Variants in DIXDC1 observed in about 807,000 individuals in gnomAD.
DIXDC1 encodes the protein DIX domain containing 1.
DIXDC1 carries 64 observed loss-of-function variants against 103.1 expected under a neutral mutation model. The ratio of observed to expected loss-of-function variants is 0.62; its 90% CI spans 0.51 to 0.76. The LOEUF (loss-of-function observed/expected upper bound fraction) is 0.76, where lower values mean the gene tolerates loss of function less well. DIXDC1 is among the 30% of genes least tolerant of loss of function. The pLI is 0.00. For synonymous variants in DIXDC1, 266 were observed against 298.5 expected (o/e 0.89, Z 1.12); for missense variants, 759 against 834.2 (o/e 0.91, Z 1.11).
intron 17 of DIXDC1, among the ~76,000 whole-genome samples, chr11:112,012,356 G>A (rs1479508167): frequency 6.6e-6 from 1 of 152,194 alleles, no homozygotes. Context: ...TGTAGTATTG[G>A]TGAATTGGTA....
In DIXDC1 at chr11:111,977,702, G is replaced by C. The variant is rs1334284604; in HGVS notation, c.656+2719G>C. ...GGGAGACATGCCTGAATTTGGGAGC[G>C]ATGTGACTCTCAGCCTCCCACTTCA... On this transcript the variant is annotated intron_variant, in intron 5 of 19. Coordinates refer to ENST00000440460, the MANE Select transcript of DIXDC1 (RefSeq NM_001037954.4). The surrounding 1 kb of genome is among the most constrained non-coding windows in gnomAD (Gnocchi z 6.1). 30 of 1,545,438 alleles carry C rather than the reference G, an allele frequency of 1.9e-5. No individual in the cohort carries two copies. The highest frequency in any genetic ancestry group is 2.2e-5 in the Non-Finnish European group (25 of 1,144,128).
chr11:111,944,134 C>A (rs146937035), intron 1 of DIXDC1, among the ~76,000 whole-genome samples: 1 of 152,266 alleles, frequency 6.6e-6, no homozygotes, highest in African/African-American at 2.4e-5. Context: ...AGCAACTTCC[C>A]CACCCTCATC....
At chr11:112,015,860 G>C (rs1294781212) in intron 17 of DIXDC1, among the ~76,000 whole-genome samples, 1 of 127,310 alleles carries the variant, frequency 7.9e-6, no homozygotes, top group Non-Finnish European at 1.6e-5. Flanking sequence ...ACCCAGGCTG[G>C]AGTGCAGTGT....
intron 1 of DIXDC1, among the ~76,000 whole-genome samples, chr11:111,952,533 C>T (rs1329620507): frequency 6.6e-6 from 1 of 151,818 alleles, no homozygotes; most frequent in South Asian, 2.1e-4. Context: ...CAAAAAAATC[C>T]AAAAATTGGC....
At position 111,982,402 on chromosome 11, in the gene DIXDC1, C is replaced by T. The variant is rs1555173339; in HGVS notation, c.833C>T (p.Thr278Ile). 1.2e-6 allele frequency: 2 copies of T among 1,613,850 alleles called. No homozygotes were observed. Among genetic ancestry groups the T allele is most frequent in the Admixed American group, 1.7e-5 (1 of 60,006 alleles). The stretch of plus-strand genomic sequence containing the variant: ...GGGAGCCCTGGAACCTATCTGGAGA[C>T]CTCATGGGAAGAACAGCTGTTGGAA... ...RPGSPGTYLE[T>I]SWEEQLLEQQ... The change falls in exon 7 of 20, where the codon ACC becomes ATC. Residue 278 changes from threonine (T) to isoleucine (I), a missense_variant. Physicochemically the swap from Thr to Ile is moderately conservative, Grantham distance 89. Around this residue, in one of 3 missense-constraint regions of DIXDC1, gnomAD observed 657 missense variants for 727.5 expected, o/e 0.90. Transcript: ENST00000440460.
At chr11:111,980,150 T>A (rs1434013465) in intron 5 of DIXDC1, among the ~76,000 whole-genome samples, 1 of 152,208 alleles carries the variant, frequency 6.6e-6, no homozygotes, top group Non-Finnish European at 1.5e-5. Flanking sequence ...ATTACTGATA[T>A]ATAACCGCTC....
intron 1 of DIXDC1, among the ~76,000 whole-genome samples, chr11:111,956,870 A>G (rs1164447347): frequency 1.3e-5 from 2 of 151,936 alleles, no homozygotes; most frequent in African/African-American, 2.4e-5. Context: ...ATATAAATAA[A>G]TAAATGGGGG....
At position 112,000,483 on chromosome 11, in the gene DIXDC1, G is replaced by C. The variant is rs1028420121; in HGVS notation, c.1756+4337G>C. Reference sequence around the variant, plus strand: ...GGAGGCTGAGGTGGGCAGATCATGAGGTCAGGAGATCGAGACCACCCTGGC... The same window carrying C: ...GGAGGCTGAGGTGGGCAGATCATGACGTCAGGAGATCGAGACCACCCTGGC... On this transcript the variant is annotated intron_variant, in intron 17 of 19. Transcript: ENST00000440460. Among the ~76,000 whole-genome samples, 4 of 152,232 alleles carry C rather than the reference G, an allele frequency of 2.6e-5. No homozygotes were observed. In the East Asian group the frequency reaches 7.7e-4, roughly 29 times the overall value.
At chr11:111,930,184 G>A (rs1468129361) in intron 2 of DIXDC1, among the ~76,000 whole-genome samples, 12 of 152,072 alleles carry the variant, frequency 7.9e-5, no homozygotes, top group African/African-American at 2.2e-4. Flanking sequence ...TTTAAAGTTT[G>A]TTATAGCAAT....
In DIXDC1 at chr11:112,017,641, G is replaced by A. The variant is rs182197167; in HGVS notation, c.1863-136G>A. ...CAGCCTCTGCTGTTTTAGTCATCTG[G>A]GTTATCGGGGCAGTGACCTAACAAG... is the stretch of plus-strand genomic sequence containing the variant. On this transcript the variant is annotated intron_variant, in intron 18 of 19. Transcript: ENST00000440460. The surrounding 1 kb of genome is among the most constrained non-coding windows in gnomAD (Gnocchi z 4.0). The A allele has an allele frequency of 8.3e-6, 5 of 599,720 alleles. No individual in the cohort carries two copies. Among genetic ancestry groups the A allele is most frequent in the Non-Finnish European group, 1.5e-5 (5 of 336,080 alleles). The allele number at this position is 599,720 out of a possible 1,614,324, so 37.1% of individuals were successfully genotyped here. A position where few individuals can be genotyped will look rare whatever the true frequency, so the allele number is the denominator to read the frequency against.
At chr11:111,956,988 G>T (rs1175379410) in intron 1 of DIXDC1, among the ~76,000 whole-genome samples, 1 of 151,474 alleles carries the variant, frequency 6.6e-6, no homozygotes, top group Non-Finnish European at 1.5e-5. Context: ...GCAACATAGT[G>T]AGACTCTGTC....
chr11:111,976,557 G>A lies in DIXDC1; in HGVS notation c.656+1574G>A, dbSNP rs868983444. Among the ~76,000 whole-genome samples the A allele has an allele frequency of 2.0e-5, 3 of 152,096 alleles. No homozygotes were observed. The highest frequency in any genetic ancestry group is 1.3e-4 in the Admixed American group (2 of 15,276). On this transcript the variant is annotated intron_variant, in intron 5 of 19. Transcript: ENST00000440460. The surrounding 1 kb of genome is among the most constrained non-coding windows in gnomAD (Gnocchi z 4.3). ...TCAGTGAGTCCCTGGGGAAGGAGAG[G>A]GCTTCTTGTGGCTATCTGGAACCCA...
At chr11:111,928,772 G>GA (rs35264662) in intron 1 of DIXDC1, among the ~76,000 whole-genome samples, 115 of 144,506 alleles carry the variant, frequency 8.0e-4, no homozygotes, top group South Asian at 2.8e-3. Flanking sequence ...AAAAAAGTGG[G>GA]AAAAAAAAAA....
upstream of DIXDC1, chr11:111,937,079 G>C (rs1966215397): frequency 3.1e-6 from 1 of 322,880 alleles, no homozygotes; most frequent in Non-Finnish European, 4.4e-6. Context: ...TAAAAGCCGT[G>C]TGAGTGTGTG....
intron 7 of DIXDC1, among the ~76,000 whole-genome samples, chr11:111,983,705 A>T (rs10891304): frequency 0.064 from 9,737 of 152,304 alleles, 459 homozygotes; most frequent in Middle Eastern, 0.1. Flanking sequence ...TTAGTCTGGG[A>T]GAAATTCGAT....
At chr11:111,993,466 G>T in intron 12 of DIXDC1, 30 bp from the exon 13 acceptor site, 1 of 1,612,486 alleles carries the variant, frequency 6.2e-7, no homozygotes, top group South Asian at 1.1e-5. Context: ...TGGTTTTGCC[G>T]CTCATCTTAA....
chr11:111,933,875 A>G (rs1966116707), upstream of DIXDC1, among the ~76,000 whole-genome samples: 1 of 152,190 alleles, frequency 6.6e-6, no homozygotes, highest in South Asian at 2.1e-4. Context: ...TTATGCAGAG[A>G]GAAGTCACAG....
At position 112,004,606 on chromosome 11, in the gene DIXDC1, G is replaced by C. The variant is rs370576896; in HGVS notation, c.1756+8460G>C. Among the ~76,000 whole-genome samples the C allele has an allele frequency of 3.7e-4, 56 of 152,262 alleles. 2 individuals are homozygous for C. The South Asian group carries it at 0.011, about 30-fold the overall frequency. ...AAGCACTGCTCATCCCCCACCACCA[G>C]GGGAGCAAGCACTGTTCAATTAGGA... On this transcript the variant is annotated intron_variant, in intron 17 of 19. Transcript: ENST00000440460.
chr11:111,999,457 T>C (rs897499499), intron 17 of DIXDC1, among the ~76,000 whole-genome samples: 4 of 152,176 alleles, frequency 2.6e-5, no homozygotes, highest in South Asian at 2.1e-4. Flanking sequence ...GTGACTTAAA[T>C]GTAAGAGCTT....
Sources: allele counts gnomAD v4.1 joint callset (sites outside exome capture counted in the v4.1 genomes callset), GRCh38; gene constraint gnomAD v4.1.1; regional missense constraint gnomAD v4.1.1; non-coding constraint Gnocchi (gnomAD v3.1); transcripts MANE v1.5; gene names NCBI Gene and HGNC (gene_info 2026-07-23, HGNC 2026-07-21).